Variants in CD3E observed in about 807,000 individuals in gnomAD.
The protein encoded by CD3E is T-cell surface glycoprotein CD3 epsilon chain.
Under a neutral mutation model 34.7 loss-of-function variants are expected in CD3E, and 16 were observed. That is an observed-to-expected ratio of 0.46 (90% CI 0.31 to 0.70). The LOEUF (loss-of-function observed/expected upper bound fraction) is 0.70. Among genes scored for constraint, CD3E ranks in the 30% least tolerant of loss-of-function variants. The pLI is 0.05. For missense variants in CD3E, 223 were observed against 253.9 expected (o/e 0.88, Z 0.83); for synonymous variants, 70 against 90.8 (o/e 0.77, Z 1.30).
rs2231445 is a variant in CD3E, at chr11:118,313,556, T to C, written c.353-151T>C. ...GGCCACCACTCTTTGCTTGTCAATG[T>C]TGTTCTAAACATATTGAAGGGGGGG... is the stretch of plus-strand genomic sequence containing the variant. On this transcript the variant is annotated intron_variant, in intron 6 of 8. Transcript: ENST00000361763. The C allele has an allele frequency of 0.026, 19,407 of 745,502 alleles. 369 individuals are homozygous for C. Among genetic ancestry groups the C allele is most frequent in the African/African-American group, 0.057 (3,303 of 58,262 alleles). The allele number at this position is 745,502 out of a possible 1,614,324, so 46.2% of individuals were successfully genotyped here.
intron 5 of CD3E, 188 bp downstream of exon 5, chr11:118,312,358 T>C: frequency 4.0e-6 from 3 of 746,978 alleles, no homozygotes; most frequent in Non-Finnish European, 4.7e-6. Flanking sequence ...ATCTTACCCT[T>C]CCCAAGTCCC....
chr11:118,310,790 C>T (rs907355021), intron 4 of CD3E, among the ~76,000 whole-genome samples: 5 of 152,112 alleles, frequency 3.3e-5, no homozygotes, highest in African/African-American at 9.7e-5. Context: ...AAGAAACATC[C>T]GTGTTGAAAA....
rs199582695 is a variant in CD3E at position 118,315,467 on chromosome 11, C to T, written c.568-19C>T. The T allele has an allele frequency of 1.2e-6, 2 of 1,611,644 alleles. No individual in the cohort carries two copies. The highest frequency in any genetic ancestry group is 2.2e-5 in the South Asian group (2 of 90,560). On this transcript the variant is annotated intron_variant, in intron 8 of 8. Coordinates refer to ENST00000361763, the MANE Select transcript of CD3E (RefSeq NM_000733.4). ...TTCCTCCCGCACCACTGACCGCCCC[C>T]TCTCTATTTCACCCCCAGCCCATCC...
chr11:118,307,290 G>A lies in CD3E; in HGVS notation c.52G>A (p.Gly18Ser). 1 of 1,605,748 alleles carries A rather than the reference G, an allele frequency of 6.2e-7. No individual in the cohort carries two copies. Among genetic ancestry groups the A allele is most frequent in the Non-Finnish European group, 8.5e-7 (1 of 1,173,564 alleles). The change falls in exon 3 of 9, where the codon GGC becomes AGC. Residue 18 changes from glycine (G) to serine (S), a missense_variant and splice_region_variant. Gly to Ser is a moderately conservative substitution (Grantham distance 56). Coordinates refer to ENST00000361763, the MANE Select transcript of CD3E (RefSeq NM_000733.4). ...RVLGLCLLSV[G>S]VWGQDGNEEM... Reference sequence around the variant, plus strand: ...TTTTTTTCTTATTTATTTTCTAGTTGGCGTTTGGGGGCAAGATGGTGAGAT... The same window carrying A: ...TTTTTTTCTTATTTATTTTCTAGTTAGCGTTTGGGGGCAAGATGGTGAGAT...
In CD3E at chr11:118,313,691, AC is replaced by A; in HGVS notation, c.353-12del. 2 of 1,609,582 alleles carry A rather than the reference AC, an allele frequency of 1.2e-6. No homozygotes were observed. Among genetic ancestry groups the A allele is most frequent in the Non-Finnish European group, 1.7e-6 (2 of 1,177,220 alleles). ...TTGCTTAGTGATTTCCCCTCTCCCC[AC>A]CCCACCCCCCACAGTGTGTGAGAAC... On this transcript the variant is annotated splice_polypyrimidine_tract_variant and intron_variant, in intron 6 of 8. Transcript: ENST00000361763.
intron 2 of CD3E, among the ~76,000 whole-genome samples, chr11:118,306,922 G>A (rs372955414): frequency 6.6e-6 from 1 of 152,234 alleles, no homozygotes; most frequent in Non-Finnish European, 1.5e-5. Context: ...CCAAGAGCGT[G>A]TTTTTCTTCC....
intron 8 of CD3E, 93 bp downstream of exon 8, chr11:118,314,587 T>C: frequency 1.7e-6 from 2 of 1,174,254 alleles, no homozygotes; most frequent in Non-Finnish European, 1.3e-6. Context: ...GTCTGCCAGA[T>C]GCCTCAAAGC....
Position 118,304,903 on chromosome 11 carries a change from G to C in CD3E, c.-50G>C. On this transcript the variant is annotated 5_prime_UTR_variant, in exon 2 of 9. Transcript: ENST00000361763. ...TTTGCTTTTTTTCCAGAAGTAGTAAGTCTGCTGGCCTCCGCCATCTTAGTA... is the reference window on the plus strand; with the variant it reads ...TTTGCTTTTTTTCCAGAAGTAGTAACTCTGCTGGCCTCCGCCATCTTAGTA... The C allele has an allele frequency of 1.9e-6, 3 of 1,571,190 alleles. No homozygotes were observed. The highest frequency in any genetic ancestry group is 2.6e-6 in the Non-Finnish European group (3 of 1,140,852).
intron 2 of CD3E, among the ~76,000 whole-genome samples, chr11:118,306,920 G>C (rs539201988): frequency 6.6e-6 from 1 of 152,196 alleles, no homozygotes; most frequent in Non-Finnish European, 1.5e-5. Context: ...AACCAAGAGC[G>C]TGTTTTTCTT....
In CD3E at chr11:118,312,698, A is replaced by AATGATAAAAACATAGGCGGTGATGAGG. The variant is rs758638097; in HGVS notation, c.202_228dup (p.Gly68_Gly76dup). The AATGATAAAAACATAGGCGGTGATGAGG allele has an allele frequency of 3.7e-6, 6 of 1,614,220 alleles. No homozygotes were observed. Among genetic ancestry groups the AATGATAAAAACATAGGCGGTGATGAGG allele is most frequent in the Non-Finnish European group, 5.1e-6 (6 of 1,180,030 alleles). ...TGGATCTGAAATACTATGGCAACAC[A>AATGATAAAAACATAGGCGGTGATGAGG]ATGATAAAAACATAGGCGGTGATGA... is the stretch of plus-strand genomic sequence containing the variant. On this transcript the variant is annotated inframe_insertion, in exon 6 of 9. Coordinates refer to ENST00000361763, the MANE Select transcript of CD3E (RefSeq NM_000733.4).
At chr11:118,305,270 C>T (rs187085885) in intron 2 of CD3E, among the ~76,000 whole-genome samples, 70 of 152,312 alleles carry the variant, frequency 4.6e-4, no homozygotes, top group Admixed American at 1.5e-3. Context: ...CCTCTAAGTA[C>T]GAGCTCATTC....
chr11:118,314,680 C>CA (rs1948155880), intron 8 of CD3E, among the ~76,000 whole-genome samples, 186 bp downstream of exon 8: 1 of 152,146 alleles, frequency 6.6e-6, no homozygotes, highest in Non-Finnish European at 1.5e-5. Flanking sequence ...TCAAAGGCTG[C>CA]ATGGCTTCCA....
At chr11:118,315,192 A>C (rs1948159441) in intron 8 of CD3E, among the ~76,000 whole-genome samples, 1 of 152,146 alleles carries the variant, frequency 6.6e-6, no homozygotes, top group African/African-American at 2.4e-5. Flanking sequence ...CCAAATACTC[A>C]ACACCAGCCA....
chr11:118,315,349 C>T, intron 8 of CD3E, 137 bp from the exon 9 acceptor site: 1 of 724,854 alleles, frequency 1.4e-6, no homozygotes, highest in Non-Finnish European at 2.4e-6. Flanking sequence ...CCGTCCATGC[C>T]AAATTAGAAT....
rs2231450 is a variant in CD3E, at chr11:118,315,597, C to T, written c.*55C>T. 7.8e-6 allele frequency: 11 copies of T among 1,407,776 alleles called. No homozygotes were observed. The highest frequency in any genetic ancestry group is 1.2e-5 in the South Asian group (1 of 82,058). The allele number at this position is 1,407,776 out of a possible 1,614,324, so 87.2% of individuals were successfully genotyped here. A position where few individuals can be genotyped will look rare whatever the true frequency, so the allele number is the denominator to read the frequency against. On this transcript the variant is annotated 3_prime_UTR_variant, in exon 9 of 9. Transcript: ENST00000361763. ...CCAGGTCTCCTCTCCAGTCCCCCTG[C>T]GACTCCCTGTTTCCTGGGCTAGTCT...
intron 2 of CD3E, among the ~76,000 whole-genome samples, chr11:118,306,252 T>C (rs1244752985): frequency 1.3e-5 from 2 of 151,956 alleles, no homozygotes; most frequent in African/African-American, 4.8e-5. Flanking sequence ...GCCCAGCATT[T>C]TGGGGGACCA....
At chr11:118,313,553 A>G (rs1439595335) in intron 6 of CD3E, 154 bp from the exon 7 acceptor site, 2 of 736,568 alleles carry the variant, frequency 2.7e-6, no homozygotes, top group Non-Finnish European at 4.7e-6. Context: ...TTGCTTGTCA[A>G]TGTTGTTCTA....
intron 4 of CD3E, among the ~76,000 whole-genome samples, chr11:118,309,985 A>C (rs1948127034): frequency 6.6e-6 from 1 of 152,264 alleles, no homozygotes; most frequent in Non-Finnish European, 1.5e-5. Context: ...CCTGTCTCTG[A>C]AAAAATTAAT....
intron 2 of CD3E, 95 bp downstream of exon 2, chr11:118,305,096 A>C: frequency 1.2e-5 from 13 of 1,093,742 alleles, no homozygotes; most frequent in Non-Finnish European, 1.8e-5. Flanking sequence ...AAGGAGCCTC[A>C]TTTACCAGAT....
Sources: gnomAD v4.1 joint callset for allele counts (sites outside exome capture counted in the v4.1 genomes callset) on GRCh38, gnomAD v4.1.1 for gene constraint, MANE v1.5 for transcripts, NCBI Gene and HGNC (gene_info 2026-07-23, HGNC 2026-07-21) for gene names.